FNDC1: variants seen among roughly 807,000 people sequenced by gnomAD.
FNDC1 encodes the protein fibronectin type III domain-containing protein 1.
FNDC1 carries 96 observed loss-of-function variants against 168.0 expected under a neutral mutation model. The observed-to-expected ratio is 0.57, with a 90% CI of 0.48 to 0.68. The LOEUF is 0.68. Among genes scored for constraint, FNDC1 ranks in the 30% least tolerant of loss-of-function variants. The pLI is 0.00. For missense variants in FNDC1, 2,587 were observed against 2,482.1 expected (o/e 1.04, Z -0.90); for synonymous variants, 1,099 against 1,025.9 (o/e 1.07, Z -1.36).
chr6:159,203,420 C>T (rs1177004267), intron 4 of FNDC1, among the ~76,000 whole-genome samples: 1 of 152,042 alleles, frequency 6.6e-6, no homozygotes, highest in Non-Finnish European at 1.5e-5. Flanking sequence ...AGGACCATGC[C>T]AGAGAGTCCT....
At chr6:159,172,612 T>C (rs559973833) in intron 1 of FNDC1, among the ~76,000 whole-genome samples, 34 of 152,330 alleles carry the variant, frequency 2.2e-4, no homozygotes, top group African/African-American at 7.5e-4. Context: ...AATAAACCAA[T>C]AGATCCAAAT....
At chr6:159,187,663 A>G (rs960971739) in intron 1 of FNDC1, among the ~76,000 whole-genome samples, 2 of 152,066 alleles carry the variant, frequency 1.3e-5, no homozygotes, top group African/African-American at 4.8e-5. Context: ...AGAACCACAA[A>G]ACAACCTGGA....
In FNDC1 at chr6:159,233,278, G is replaced by T. The variant is rs1488354103; in HGVS notation, c.2766G>T (p.Lys922Asn). ...SPQRGASLHR[K>N]EPIPENPKST... Reference sequence around the variant, plus strand: ...AGAGAGGGGCCAGCCTGCATCGGAAGGAACCCATCCCAGAGAACCCCAAAT... The same window carrying T: ...AGAGAGGGGCCAGCCTGCATCGGAATGAACCCATCCCAGAGAACCCCAAAT... The change falls in exon 11 of 23, where the codon AAG becomes AAT. Residue 922 changes from lysine (K) to asparagine (N), a missense_variant. Lys to Asn is a moderately conservative substitution (Grantham distance 94). Coordinates refer to ENST00000297267, the MANE Select transcript of FNDC1 (RefSeq NM_032532.3). The surrounding 1 kb of genome is among the most constrained non-coding windows in gnomAD (Gnocchi z 4.6). The T allele has an allele frequency of 1.9e-6, 3 of 1,613,978 alleles. No individual in the cohort carries two copies. The highest frequency in any genetic ancestry group is 1.1e-5 in the South Asian group (1 of 91,084).
chr6:159,207,975 T>C (rs1583871562), intron 4 of FNDC1, among the ~76,000 whole-genome samples: 1 of 152,212 alleles, frequency 6.6e-6, no homozygotes, highest in Non-Finnish European at 1.5e-5. Flanking sequence ...GCCATTAAGA[T>C]TGGAAAAAGA....
Position 159,184,629 on chromosome 6 carries a change from A to AT in FNDC1, c.110-12802_110-12801insT, listed in dbSNP as rs1338626491. 1.7e-4 allele frequency among the ~76,000 whole-genome samples: 26 copies of AT among 152,170 alleles called. No individual in the cohort carries two copies. The East Asian group carries it at 5.0e-3, about 29-fold the overall frequency. ...TCTCTTCTAAGGGTGTTTTTCAGGG[A>AT]GCTTTCTGAGTAATATGAGTGGTGA... is the stretch of plus-strand genomic sequence containing the variant. On this transcript the variant is annotated intron_variant, in intron 1 of 22. Coordinates refer to ENST00000297267, the MANE Select transcript of FNDC1 (RefSeq NM_032532.3).
At chr6:159,175,436 G>T (rs1030968336) in intron 1 of FNDC1, among the ~76,000 whole-genome samples, 5 of 152,140 alleles carry the variant, frequency 3.3e-5, no homozygotes, top group African/African-American at 1.2e-4. Context: ...GTTGGTTTGA[G>T]CTTTTACTGT....
At chr6:159,208,254 G>C (rs114930956) in intron 4 of FNDC1, among the ~76,000 whole-genome samples, 38 of 152,198 alleles carry the variant, frequency 2.5e-4, no homozygotes, top group Admixed American at 2.4e-3. Flanking sequence ...ATGGCACAGC[G>C]ATGTCTACAT....
In FNDC1 at chr6:159,251,438, T is replaced by G. The variant is rs780282207; in HGVS notation, c.4971T>G (p.His1657Gln). The change falls in exon 17 of 23, where the codon CAT becomes CAG. Residue 1657 changes from histidine to glutamine, a missense_variant. His to Gln is a conservative substitution (Grantham distance 24). Coordinates refer to ENST00000297267, the MANE Select transcript of FNDC1 (RefSeq NM_032532.3). ...DLKKSDLPPQHAPRNITVVAV... is the reference protein window; with the variant it reads ...DLKKSDLPPQQAPRNITVVAV... ...AGAAGAGTGACCTGCCTCCCCAGCA[T>G]GCTCCCCGCAACATCACCGTGGTGG... 1.2e-6 allele frequency: 2 copies of G among 1,613,974 alleles called. No individual in the cohort carries two copies. The highest frequency in any genetic ancestry group is 3.3e-5 in the Admixed American group (2 of 60,024).
chr6:159,261,132 T>G, intron 18 of FNDC1, 58 bp from the exon 19 acceptor site: 5 of 1,402,604 alleles, frequency 3.6e-6, no homozygotes, highest in Non-Finnish European at 5.0e-6. Context: ...GGAGTCTGTT[T>G]TGTTACACAG....
At position 159,267,834 on chromosome 6, in the gene FNDC1, G is replaced by C; in HGVS notation, c.5477G>C (p.Gly1826Ala). The C allele has an allele frequency of 6.2e-7, 1 of 1,613,756 alleles. No individual in the cohort carries two copies. Among genetic ancestry groups the C allele is most frequent in the Non-Finnish European group, 8.5e-7 (1 of 1,179,810 alleles). ...TTCTACAGCATTGGAGACAGCTGGG[G>C]AAGAGGTGAAGACCATTGCCAATTT... Reference protein sequence around the residue: ...DTFYSIGDSWGRGEDHCQFVD... With the variant: ...DTFYSIGDSWARGEDHCQFVD... The change falls in exon 22 of 23, where the codon GGA becomes GCA. Residue 1826 changes from glycine (G) to alanine (A), a missense_variant. Gly to Ala is a moderately conservative substitution (Grantham distance 60, BLOSUM62 0). Transcript: ENST00000297267.
intron 1 of FNDC1, among the ~76,000 whole-genome samples, chr6:159,174,961 T>C (rs1020169924): frequency 2.0e-5 from 3 of 152,236 alleles, no homozygotes; most frequent in Non-Finnish European, 4.4e-5. Context: ...AATTATAATG[T>C]CAAATTATTA....
intron 17 of FNDC1, among the ~76,000 whole-genome samples, chr6:159,252,671 A>G (rs927700887): frequency 7.2e-5 from 11 of 152,202 alleles, no homozygotes; most frequent in Admixed American, 5.2e-4. Context: ...AAATCAATCA[A>G]TGGAAGGAGG....
At chr6:159,187,801 A>G (rs1392545993) in intron 1 of FNDC1, among the ~76,000 whole-genome samples, 1 of 152,198 alleles carries the variant, frequency 6.6e-6, no homozygotes, top group Admixed American at 6.5e-5. Flanking sequence ...TATTTTGCCC[A>G]TGTGTTGTCA....
chr6:159,248,689 C>G (rs958476520), intron 15 of FNDC1, among the ~76,000 whole-genome samples: 1 of 152,182 alleles, frequency 6.6e-6, no homozygotes, highest in African/African-American at 2.4e-5. Context: ...GCAGGTAGAG[C>G]ATGGCTTTGG....
intron 19 of FNDC1, 30 bp from the exon 20 acceptor site, chr6:159,264,945 A>G (rs745871148): frequency 4.4e-6 from 7 of 1,579,136 alleles, no homozygotes; most frequent in Non-Finnish European, 6.0e-6. Flanking sequence ...AATATGGCAC[A>G]GAGTCCATTA....
chr6:159,209,970 GT>G (rs1052089411), intron 4 of FNDC1, among the ~76,000 whole-genome samples: 2 of 152,182 alleles, frequency 1.3e-5, no homozygotes, highest in Non-Finnish European at 2.9e-5. Context: ...CTCATCAGGG[GT>G]CTTTCCCAGA....
chr6:159,271,051 T>C (rs2115040421), intron 22 of FNDC1, among the ~76,000 whole-genome samples: 2 of 152,288 alleles, frequency 1.3e-5, no homozygotes, highest in South Asian at 4.1e-4. Flanking sequence ...AGCTCCAGCA[T>C]GGCCCCTGAG....
intron 1 of FNDC1, among the ~76,000 whole-genome samples, chr6:159,171,835 T>C (rs555437448): frequency 6.6e-6 from 1 of 152,360 alleles, no homozygotes; most frequent in Admixed American, 6.5e-5. Flanking sequence ...GGGATGATTT[T>C]TATTTTCTTC....
chr6:159,233,248 C>T lies in FNDC1; in HGVS notation c.2736C>T (p.Ser912=). The T allele has an allele frequency of 6.2e-7, 1 of 1,613,960 alleles. No homozygotes were observed. Among genetic ancestry groups the T allele is most frequent in the South Asian group, 1.1e-5 (1 of 91,078 alleles). The part of the protein sequence containing the change: ...ISRGWEDLRR[S]PQRGASLHRK... ...GGGGCTGGGAGGACTTAAGGAGAAGCCCGCAGAGAGGGGCCAGCCTGCATC... is the reference window on the plus strand; with the variant it reads ...GGGGCTGGGAGGACTTAAGGAGAAGTCCGCAGAGAGGGGCCAGCCTGCATC... The change falls in exon 11 of 23, where the codon AGC becomes AGT. Residue 912 remains serine, a synonymous_variant. Transcript: ENST00000297267. This position sits in a 1 kb window ranked among gnomAD's most constrained non-coding sequence, Gnocchi z 4.6.
Sources: gnomAD v4.1 joint callset for allele counts (sites outside exome capture counted in the v4.1 genomes callset) on GRCh38, gnomAD v4.1.1 for gene constraint, Gnocchi (gnomAD v3.1) non-coding constraint, MANE v1.5 for transcripts, NCBI Gene and HGNC (gene_info 2026-07-23, HGNC 2026-07-21) for gene names.